Variants in CFAP299 observed in about 807,000 individuals in gnomAD.
The protein encoded by CFAP299 is cilia- and flagella-associated protein 299.
Under a neutral mutation model 27.0 loss-of-function variants are expected in CFAP299, and 21 were observed. That is an observed-to-expected ratio of 0.78 (90% confidence interval 0.55 to 1.12). The LOEUF (loss-of-function observed/expected upper bound fraction) is 1.12. Ranked by LOEUF, CFAP299 falls within the 50% of genes most tolerant of loss-of-function variation. CFAP299 has a pLI of 0.00. For synonymous variants in CFAP299, 104 were observed against 98.1 expected, an observed-to-expected ratio of 1.06 and a Z score of -0.36; for missense variants, 310 against 276.6, an observed-to-expected ratio of 1.12 and a Z score of -0.86.
intron 2 of CFAP299, among the ~76,000 whole-genome samples, chr4:80,547,843 G>T (rs1326804200): frequency 6.6e-6 from 1 of 152,090 alleles, no homozygotes; most frequent in Admixed American, 6.6e-5. Flanking sequence ...TTTCACACCA[G>T]TCAGAATACC....
chr4:80,541,939 A>C (rs1317713404), intron 2 of CFAP299, among the ~76,000 whole-genome samples: 1 of 152,022 alleles, frequency 6.6e-6, no homozygotes, highest in Admixed American at 6.6e-5. Flanking sequence ...CATTAGGTAT[A>C]TCTCCCAATG....
chr4:80,501,005 A>G (rs1354114043), intron 2 of CFAP299, among the ~76,000 whole-genome samples: 1 of 152,120 alleles, frequency 6.6e-6, no homozygotes, highest in Non-Finnish European at 1.5e-5. Flanking sequence ...TGCTAAAATC[A>G]TAGCTATCTA....
chr4:80,607,233 G>A (rs1179113258), intron 3 of CFAP299, among the ~76,000 whole-genome samples: 1 of 151,988 alleles, frequency 6.6e-6, no homozygotes, highest in Non-Finnish European at 1.5e-5. Context: ...TATTTTTATT[G>A]TATGGTCCTG....
intron 3 of CFAP299, among the ~76,000 whole-genome samples, chr4:80,590,301 A>T (rs2109883417): frequency 6.6e-6 from 1 of 152,340 alleles, no homozygotes; most frequent in South Asian, 2.1e-4. Flanking sequence ...AAGTGTGAGG[A>T]TTAAATGAAT....
chr4:80,385,764 C>A (rs988719270), intron 2 of CFAP299, among the ~76,000 whole-genome samples: 13 of 152,234 alleles, frequency 8.5e-5, no homozygotes, highest in African/African-American at 3.1e-4. Context: ...AGATAAACTC[C>A]AAAGAGTTTA....
intron 2 of CFAP299, among the ~76,000 whole-genome samples, chr4:80,506,028 A>G (rs1732018861): frequency 6.6e-6 from 1 of 151,144 alleles, no homozygotes; most frequent in South Asian, 2.1e-4. Flanking sequence ...ATATATAAAA[A>G]TAATAACTGG....
intron 2 of CFAP299, among the ~76,000 whole-genome samples, chr4:80,397,359 GT>G (rs928309018): frequency 6.6e-6 from 1 of 151,904 alleles, no homozygotes; most frequent in Non-Finnish European, 1.5e-5. Context: ...TTTTTGAAGG[GT>G]TTTTTTGCGT....
intron 1 of CFAP299, among the ~76,000 whole-genome samples, chr4:80,346,723 T>G (rs1046027874): frequency 1.3e-5 from 2 of 152,192 alleles, no homozygotes; most frequent in Non-Finnish European, 2.9e-5. Context: ...TCCAGCTTTG[T>G]TCTTTTGGCT....
At chr4:80,570,872 G>C (rs1735549591) in intron 2 of CFAP299, among the ~76,000 whole-genome samples, 1 of 152,054 alleles carries the variant, frequency 6.6e-6, no homozygotes, top group African/African-American at 2.4e-5. Flanking sequence ...AGAATACAAT[G>C]AAAATGAGGT....
intron 3 of CFAP299, among the ~76,000 whole-genome samples, chr4:80,861,365 A>C (rs1299938538): frequency 1.3e-5 from 2 of 152,158 alleles, no homozygotes; most frequent in Non-Finnish European, 2.9e-5. Context: ...GCGCTTCCCA[A>C]GTGAGGCAAT....
chr4:80,717,576 AT>A (rs1286121252), intron 3 of CFAP299, among the ~76,000 whole-genome samples: 3 of 152,102 alleles, frequency 2.0e-5, no homozygotes, highest in Non-Finnish European at 4.4e-5. Context: ...CCTTTAAGTT[AT>A]TTATGTCTCA....
At chr4:80,370,700 G>T (rs1437266951) in intron 2 of CFAP299, among the ~76,000 whole-genome samples, 2 of 152,214 alleles carry the variant, frequency 1.3e-5, no homozygotes, top group Non-Finnish European at 2.9e-5. Flanking sequence ...TACATCCAGG[G>T]CATGCTGATG....
At chr4:80,432,559 G>A (rs1225949008) in intron 2 of CFAP299, among the ~76,000 whole-genome samples, 2 of 140,348 alleles carry the variant, frequency 1.4e-5, no homozygotes, top group East Asian at 2.1e-4. Context: ...TTGAGACGGA[G>A]TCTCACTCTG....
intron 2 of CFAP299, among the ~76,000 whole-genome samples, chr4:80,431,954 C>T (rs1052102155): frequency 7.2e-5 from 11 of 152,110 alleles, no homozygotes; most frequent in Non-Finnish European, 1.3e-4. Context: ...GTTCTCTATG[C>T]CAATTCATTG....
At chr4:80,957,051 A>T (rs375167938) in intron 5 of CFAP299, among the ~76,000 whole-genome samples, 2 of 152,170 alleles carry the variant, frequency 1.3e-5, no homozygotes, top group African/African-American at 4.8e-5. Context: ...TTTTCTTCTA[A>T]ATTTGTTTAT....
chr4:80,481,299 AAATTATC>A (rs1250716755), intron 2 of CFAP299, among the ~76,000 whole-genome samples: 35 of 152,206 alleles, frequency 2.3e-4, no homozygotes, highest in African/African-American at 7.2e-4. Context: ...TAATGTGCTA[AAATTATC>A]AACCACTACC....
At chr4:80,863,784 G>A (rs1311027038) in intron 3 of CFAP299, among the ~76,000 whole-genome samples, 1 of 151,962 alleles carries the variant, frequency 6.6e-6, no homozygotes, top group African/African-American at 2.4e-5. Context: ...TTTATCTAAG[G>A]AAAATATGAA....
intron 2 of CFAP299, among the ~76,000 whole-genome samples, chr4:80,579,823 A>G (rs528841248): frequency 1.3e-5 from 2 of 152,210 alleles, no homozygotes; most frequent in Admixed American, 1.3e-4. Flanking sequence ...ACATATATCT[A>G]TATATAATTT....
chr4:80,794,821 C>T (rs1214639156), intron 3 of CFAP299, among the ~76,000 whole-genome samples: 2 of 152,134 alleles, frequency 1.3e-5, no homozygotes, highest in African/African-American at 2.4e-5. Context: ...TGGAAGAGGT[C>T]AAGTGTAATC....
Sources: gnomAD v4.1 joint callset for allele counts (sites outside exome capture counted in the v4.1 genomes callset) on GRCh38, gnomAD v4.1.1 for gene constraint, MANE v1.5 for transcripts, NCBI Gene and HGNC (gene_info 2026-07-23, HGNC 2026-07-21) for gene names.